The following CSMD3 variants were observed in gnomAD, a reference collection of about 807,000 sequenced individuals.
CSMD3 encodes the protein CUB and Sushi multiple domains 3, also known as CUB and sushi domain-containing protein 3.
CSMD3 carries 177 observed loss-of-function variants against 435.2 expected under a neutral mutation model. The observed-to-expected ratio is 0.41, with a 90% CI of 0.36 to 0.46. The LOEUF is 0.46. Among genes scored for constraint, CSMD3 ranks in the 20% least tolerant of loss-of-function variants. The pLI is 0.34. For missense variants in CSMD3, 4,265 were observed against 4,504.6 expected, an observed-to-expected ratio of 0.95 and a Z score of 1.52; for synonymous variants, 1,656 against 1,520.5, an observed-to-expected ratio of 1.09 and a Z score of -2.07.
intron 9 of CSMD3, among the ~76,000 whole-genome samples, chr8:112,926,261 CGTGT>C (rs112163042): frequency 2.3e-4 from 26 of 115,420 alleles, no homozygotes; most frequent in African/African-American, 7.6e-4. Context: ...TGTGTGTGAG[CGTGT>C]GTGTGTTTGT....
At chr8:112,486,448 A>T (rs932181278) in intron 31 of CSMD3, among the ~76,000 whole-genome samples, 51 of 152,158 alleles carry the variant, frequency 3.4e-4, no homozygotes, top group South Asian at 8.3e-4. Flanking sequence ...TCTCTACTTC[A>T]TGGCATTATG....
chr8:112,510,336 TAC>T (rs1491389711), intron 28 of CSMD3, among the ~76,000 whole-genome samples: 19 of 152,232 alleles, frequency 1.2e-4, no homozygotes, highest in African/African-American at 4.6e-4. Context: ...ATCTGACCCA[TAC>T]AGTCTTTCCA....
At chr8:112,231,091 G>C (rs1813042660) in intron 69 of CSMD3, among the ~76,000 whole-genome samples, 1 of 152,064 alleles carries the variant, frequency 6.6e-6, no homozygotes. Context: ...TCCCCAAAAG[G>C]GGCCCATTCC....
intron 2 of CSMD3, among the ~76,000 whole-genome samples, chr8:113,308,310 C>A (rs1464417210): frequency 2.3e-5 from 3 of 132,114 alleles, no homozygotes; most frequent in African/African-American, 9.1e-5. Context: ...GCTCCGTCAC[C>A]CAGGCTGGAG....
intron 56 of CSMD3, among the ~76,000 whole-genome samples, chr8:112,290,529 GAACT>G: frequency 6.6e-6 from 1 of 151,956 alleles, no homozygotes; most frequent in East Asian, 1.9e-4. Context: ...CCAAATTACT[GAACT>G]ATATGCATAG....
chr8:112,532,834 G>C (rs775277798), intron 27 of CSMD3, among the ~76,000 whole-genome samples: 1 of 152,070 alleles, frequency 6.6e-6, no homozygotes, highest in Non-Finnish European at 1.5e-5. Context: ...TGTAACACTT[G>C]TGTCTTTAGT....
At chr8:112,453,773 T>C (rs1459330528) in intron 32 of CSMD3, among the ~76,000 whole-genome samples, 1 of 152,108 alleles carries the variant, frequency 6.6e-6, no homozygotes, top group Non-Finnish European at 1.5e-5. Context: ...CTAAAATTCA[T>C]ACGAAACCAA....
chr8:113,159,265 T>C (rs948573062), intron 4 of CSMD3, among the ~76,000 whole-genome samples: 9 of 151,162 alleles, frequency 6.0e-5, no homozygotes, highest in African/African-American at 2.2e-4. Context: ...TATAATTATA[T>C]ATATTTTTGT....
At chr8:112,237,826 C>G (rs1490872881) in intron 66 of CSMD3, among the ~76,000 whole-genome samples, 1 of 151,908 alleles carries the variant, frequency 6.6e-6, no homozygotes, top group African/African-American at 2.4e-5. Flanking sequence ...TCTGTGTTCC[C>G]CCTTACAGAA....
chr8:112,353,084 G>A (rs1419991240), intron 38 of CSMD3, among the ~76,000 whole-genome samples: 1 of 151,844 alleles, frequency 6.6e-6, no homozygotes, highest in Non-Finnish European at 1.5e-5. Flanking sequence ...TTCTTTCTCT[G>A]AAGATACTAT....
intron 41 of CSMD3, among the ~76,000 whole-genome samples, chr8:112,345,832 T>G (rs943054776): frequency 6.6e-6 from 1 of 151,608 alleles, no homozygotes; most frequent in Non-Finnish European, 1.5e-5. Flanking sequence ...TGTACAATTT[T>G]TATTTGTCAA....
intron 5 of CSMD3, among the ~76,000 whole-genome samples, chr8:113,075,885 T>G (rs2089315083): frequency 6.6e-6 from 1 of 151,928 alleles, no homozygotes; most frequent in African/African-American, 2.4e-5. Context: ...AAAAATATTC[T>G]ATTGGCAACA....
chr8:112,458,961 A>T (rs961470307), intron 32 of CSMD3, among the ~76,000 whole-genome samples: 2 of 152,174 alleles, frequency 1.3e-5, no homozygotes, highest in African/African-American at 2.4e-5. Flanking sequence ...ACACATACTC[A>T]GGCACATACA....
At chr8:113,015,078 C>G (rs2086403513) in intron 6 of CSMD3, among the ~76,000 whole-genome samples, 1 of 152,028 alleles carries the variant, frequency 6.6e-6, no homozygotes, top group Non-Finnish European at 1.5e-5. Flanking sequence ...AGTAACTGTA[C>G]ACAGGTATTT....
chr8:112,364,576 A>G (rs902493034), intron 38 of CSMD3, among the ~76,000 whole-genome samples: 7 of 152,174 alleles, frequency 4.6e-5, no homozygotes, highest in Non-Finnish European at 1.0e-4. Context: ...GTCTCTACAA[A>G]TTTAAAGAAA....
At chr8:112,263,529 A>T (rs1816637913) in intron 61 of CSMD3, 110 bp downstream of exon 61, 1 of 848,816 alleles carries the variant, frequency 1.2e-6, no homozygotes, top group Non-Finnish European at 1.9e-6. Context: ...GTAAATACTG[A>T]TTTTTCTTTG....
At chr8:112,672,983 G>T (rs2075692150) in intron 16 of CSMD3, among the ~76,000 whole-genome samples, 1 of 152,040 alleles carries the variant, frequency 6.6e-6, no homozygotes, top group Non-Finnish European at 1.5e-5. Flanking sequence ...TGGTACTTAG[G>T]TGCTCAGAAG....
At chr8:113,134,362 A>G (rs956494898) in intron 4 of CSMD3, among the ~76,000 whole-genome samples, 4 of 151,976 alleles carry the variant, frequency 2.6e-5, no homozygotes, top group Non-Finnish European at 4.4e-5. Flanking sequence ...CTCTATGATG[A>G]CCCAATGTTC....
At chr8:112,878,807 T>G (rs2081365479) in intron 10 of CSMD3, among the ~76,000 whole-genome samples, 1 of 152,126 alleles carries the variant, frequency 6.6e-6, no homozygotes, top group Admixed American at 6.6e-5. Flanking sequence ...AGGGACCTGC[T>G]GAAGGCATGG....
Sources: gnomAD v4.1 joint callset for allele counts (sites outside exome capture counted in the v4.1 genomes callset) on GRCh38, gnomAD v4.1.1 for gene constraint, MANE v1.5 for transcripts, NCBI Gene and HGNC (gene_info 2026-07-23, HGNC 2026-07-21) for gene names.